Variants in TIAM1 observed in about 807,000 individuals in gnomAD.
TIAM1 encodes rho guanine nucleotide exchange factor TIAM1.
Under a neutral mutation model 163.5 loss-of-function variants are expected in TIAM1, and 65 were observed. That is an observed-to-expected ratio of 0.40 (90% CI 0.33 to 0.49). The LOEUF is 0.49. Ranked by LOEUF, TIAM1 falls within the 20% of genes least tolerant of loss-of-function variation. The pLI, the probability that TIAM1 is intolerant of heterozygous loss-of-function variation, is 0.77. For missense variants in TIAM1, 1,789 were observed against 2,044.7 expected, an observed-to-expected ratio of 0.87 and a Z score of 2.41; for synonymous variants, 833 against 810.1, an observed-to-expected ratio of 1.03 and a Z score of -0.48.
chr21:31,291,563 G>A (rs116190189), intron 2 of TIAM1, among the ~76,000 whole-genome samples: 2,486 of 152,180 alleles, frequency 0.016, 57 homozygotes, highest in African/African-American at 0.053. Flanking sequence ...TCGCTCTGTC[G>A]CCCAGGCGAC....
At chr21:31,328,438 A>G (rs2075566276) in intron 2 of TIAM1, among the ~76,000 whole-genome samples, 1 of 152,102 alleles carries the variant, frequency 6.6e-6, no homozygotes, top group Non-Finnish European at 1.5e-5. Context: ...CAGCACAATC[A>G]CGGCTCACTG....
chr21:31,342,045 CAAT>C (rs1267610174), intron 1 of TIAM1, among the ~76,000 whole-genome samples: 5 of 151,240 alleles, frequency 3.3e-5, no homozygotes, highest in Admixed American at 6.6e-5. Flanking sequence ...ACAGCATGTT[CAAT>C]ATTATACCAA....
intron 2 of TIAM1, among the ~76,000 whole-genome samples, chr21:31,386,291 C>T (rs555213978): frequency 6.6e-6 from 1 of 152,120 alleles, no homozygotes; most frequent in South Asian, 2.1e-4. Flanking sequence ...CTCCCCTATC[C>T]TGCCCTGCCC....
At chr21:31,276,682 C>T (rs771461476) in intron 3 of TIAM1, 50 bp downstream of exon 3, 1 of 152,228 alleles carries the variant, frequency 6.6e-6, no homozygotes, top group Admixed American at 6.5e-5. Context: ...TGAAGCATTT[C>T]CATTAATTCA....
At chr21:31,453,553 T>G (rs1277474207) in intron 2 of TIAM1, among the ~76,000 whole-genome samples, 1 of 151,656 alleles carries the variant, frequency 6.6e-6, no homozygotes, top group Admixed American at 6.6e-5. Flanking sequence ...ATTAGCCGGG[T>G]GTGGTGGCGC....
intron 1 of TIAM1, among the ~76,000 whole-genome samples, chr21:31,479,293 A>T (rs147290563): frequency 1.3e-3 from 200 of 152,308 alleles, no homozygotes; most frequent in Non-Finnish European, 2.4e-3. Context: ...GACTTGATTT[A>T]AAAAAACTCT....
At chr21:31,219,447 C>T (rs1202716255) in intron 8 of TIAM1, among the ~76,000 whole-genome samples, 1 of 152,170 alleles carries the variant, frequency 6.6e-6, no homozygotes, top group Non-Finnish European at 1.5e-5. Context: ...TGACAGATGC[C>T]AATTGGCAGC....
intron 1 of TIAM1, among the ~76,000 whole-genome samples, chr21:31,521,661 C>T (rs1010859011): frequency 6.6e-6 from 1 of 151,612 alleles, no homozygotes; most frequent in African/African-American, 2.4e-5. Flanking sequence ...TGCTTGAGCC[C>T]GGGAGTTCAA....
intron 2 of TIAM1, among the ~76,000 whole-genome samples, chr21:31,430,465 A>G (rs67308615): frequency 0.046 from 6,989 of 151,924 alleles, 240 homozygotes; most frequent in East Asian, 0.13. Context: ...CAACACAACC[A>G]TTTTTACCAC....
At chr21:31,152,913 G>T in intron 18 of TIAM1, 152 bp from the exon 19 acceptor site, 1 of 1,258,524 alleles carries the variant, frequency 7.9e-7, no homozygotes, top group East Asian at 2.4e-5. Flanking sequence ...CTCTTCATGA[G>T]CACACCAAAG....
intron 1 of TIAM1, among the ~76,000 whole-genome samples, chr21:31,517,318 G>A (rs894731055): frequency 3.9e-5 from 6 of 152,146 alleles, no homozygotes; most frequent in African/African-American, 1.2e-4. Context: ...AGAATCACTT[G>A]AGGCCAGGAG....
At chr21:31,222,699 A>ATTTTTTTTTT (rs1569056358) in intron 8 of TIAM1, among the ~76,000 whole-genome samples, 1 of 39,796 alleles carries the variant, frequency 2.5e-5, no homozygotes, top group African/African-American at 1.4e-4. Context: ...ATATATATAT[A>ATTTTTTTTTT]TATATATATT....
chr21:31,451,598 G>A (rs760101910), intron 2 of TIAM1, among the ~76,000 whole-genome samples: 1 of 152,052 alleles, frequency 6.6e-6, no homozygotes, highest in Non-Finnish European at 1.5e-5. Flanking sequence ...ATCCCAGGAA[G>A]GACAGACAAG....
intron 1 of TIAM1, among the ~76,000 whole-genome samples, chr21:31,339,788 A>G (rs1199325385): frequency 6.6e-6 from 1 of 152,172 alleles, no homozygotes; most frequent in Admixed American, 6.5e-5. Context: ...TCAAGAAACA[A>G]AACTTTCCAA....
At chr21:31,451,141 G>A (rs1051247065) in intron 2 of TIAM1, among the ~76,000 whole-genome samples, 3 of 151,730 alleles carry the variant, frequency 2.0e-5, no homozygotes, top group South Asian at 2.1e-4. Flanking sequence ...CGGCATCTGC[G>A]TCATCCCGTG....
chr21:31,396,239 G>A (rs555006718), intron 2 of TIAM1, among the ~76,000 whole-genome samples: 170 of 152,284 alleles, frequency 1.1e-3, no homozygotes, highest in African/African-American at 3.3e-3. Flanking sequence ...CAAGAACCTC[G>A]CTCCTGCAGG....
upstream of TIAM1, among the ~76,000 whole-genome samples, chr21:31,348,096 A>ACT (rs145675371): frequency 6.6e-6 from 1 of 151,628 alleles, no homozygotes; most frequent in Non-Finnish European, 1.5e-5. Flanking sequence ...TAGCTTGCTC[A>ACT]CTCTCTCTCT....
At chr21:31,261,648 G>A (rs552993871) in intron 4 of TIAM1, among the ~76,000 whole-genome samples, 80 of 152,312 alleles carry the variant, frequency 5.3e-4, no homozygotes, top group African/African-American at 1.9e-3. Flanking sequence ...GGGAGGCAGA[G>A]GTTGCAGTGA....
At chr21:31,271,556 C>A (rs1055216452) in intron 3 of TIAM1, among the ~76,000 whole-genome samples, 1 of 152,150 alleles carries the variant, frequency 6.6e-6, no homozygotes, top group African/African-American at 2.4e-5. Context: ...GTGTGTTCCC[C>A]TCCCCACCCC....
Sources: allele counts gnomAD v4.1 joint callset (sites outside exome capture counted in the v4.1 genomes callset), GRCh38; gene constraint gnomAD v4.1.1; transcripts MANE v1.5; gene names NCBI Gene and HGNC (gene_info 2026-07-23, HGNC 2026-07-21).